MANBA: variants seen among roughly 807,000 people sequenced by gnomAD.
MANBA encodes the protein beta-mannosidase.
Under a neutral mutation model 111.1 loss-of-function variants are expected in MANBA, and 83 were observed. The observed-to-expected ratio is 0.75, with a 90% CI of 0.63 to 0.90. The LOEUF (loss-of-function observed/expected upper bound fraction) is 0.90, where lower values mean the gene tolerates loss of function less well. Among genes scored for constraint, MANBA ranks in the 40% least tolerant of loss-of-function variants. MANBA has a pLI of 0.00. For synonymous variants in MANBA, 370 were observed against 378.7 expected (o/e 0.98, Z 0.27); for missense variants, 1,036 against 1,069.0 (o/e 0.97, Z 0.43).
chr4:102,706,814 G>C (rs1169974081), intron 5 of MANBA, among the ~76,000 whole-genome samples: 1 of 152,090 alleles, frequency 6.6e-6, no homozygotes. Context: ...ACAATAATTA[G>C]AGAAAGCAGA....
At chr4:102,714,766 G>A (rs1243656434) in intron 4 of MANBA, among the ~76,000 whole-genome samples, 1 of 152,180 alleles carries the variant, frequency 6.6e-6, no homozygotes, top group African/African-American at 2.4e-5. Flanking sequence ...AGCAGGTTTG[G>A]TTCCTCCTGA....
chr4:102,724,020 T>C, intron 2 of MANBA, 53 bp from the exon 3 acceptor site: 2 of 952,696 alleles, frequency 2.1e-6, no homozygotes, highest in Non-Finnish European at 3.3e-6. Context: ...TTAACTTAGA[T>C]AAGTCTCTTT....
At chr4:102,729,549 T>C in intron 1 of MANBA, 2 of 869,924 alleles carry the variant, frequency 2.3e-6, no homozygotes, top group Non-Finnish European at 4.0e-6. Context: ...ACTCCAGCTC[T>C]ACCTTGTTCA....
In MANBA at chr4:102,679,265, G is replaced by A. The variant is rs142977310; in HGVS notation, c.961-5195C>T. ...GACATCGGCACAGTTATGCATCCTT[G>A]TAGCCAGATGTGTATCTAGTATATC... On this transcript the variant is annotated intron_variant, in intron 7 of 16. Transcript: ENST00000647097. Among the ~76,000 whole-genome samples the A allele has an allele frequency of 1.4e-4, 21 of 152,084 alleles. No homozygotes were observed. In the East Asian group the frequency reaches 3.3e-3, roughly 24 times the overall value.
At chr4:102,653,071 A>G (rs1730407129) in intron 12 of MANBA, among the ~76,000 whole-genome samples, 1 of 152,212 alleles carries the variant, frequency 6.6e-6, no homozygotes, top group Non-Finnish European at 1.5e-5. Flanking sequence ...GAACTGTCAT[A>G]CAAATCATAT....
At chr4:102,661,405 T>A (rs1265473672) in intron 11 of MANBA, among the ~76,000 whole-genome samples, 2 of 152,014 alleles carry the variant, frequency 1.3e-5, no homozygotes, top group Admixed American at 6.6e-5. Flanking sequence ...GATAAGAGTG[T>A]CCCCCACAGC....
chr4:102,685,930 GA>G (rs1732189406), intron 7 of MANBA, among the ~76,000 whole-genome samples: 2 of 152,056 alleles, frequency 1.3e-5, no homozygotes, highest in East Asian at 3.9e-4. Flanking sequence ...ATTGAAGACT[GA>G]AGACTGAAGA....
At chr4:102,709,412 A>G (rs1457740745) in intron 5 of MANBA, among the ~76,000 whole-genome samples, 1 of 134,284 alleles carries the variant, frequency 7.4e-6, no homozygotes, top group Non-Finnish European at 1.6e-5. Flanking sequence ...AAAAAGAAAG[A>G]AAGAAAGAGA....
intron 7 of MANBA, among the ~76,000 whole-genome samples, chr4:102,675,608 C>A (rs1161219152): frequency 6.6e-6 from 1 of 152,216 alleles, no homozygotes; most frequent in Non-Finnish European, 1.5e-5. Flanking sequence ...CTTTGTTTCA[C>A]AGCAATATTT....
rs143364702 is a variant in MANBA, at chr4:102,752,347, C to T, written c.177+8371G>A. ...TGGAAGCACAGATAGGCATACCAGA[C>T]TGTGGGATCCCCGAACTAAAGACCA... is the stretch of plus-strand genomic sequence containing the variant. On this transcript the variant is annotated intron_variant, in intron 1 of 16. Coordinates refer to ENST00000647097, the MANE Select transcript of MANBA (RefSeq NM_005908.4). 129 of 1,364,238 alleles carry T rather than the reference C, an allele frequency of 9.5e-5. No individual in the cohort carries two copies. In the East Asian group the frequency reaches 2.9e-3, roughly 31 times the overall value. 84.5% of individuals were successfully genotyped at this position (1,364,238 alleles called of 1,614,324 possible). A position where few individuals can be genotyped will look rare whatever the true frequency, so the allele number is the denominator to read the frequency against.
chr4:102,734,761 C>T, intron 1 of MANBA: 1 of 593,390 alleles, frequency 1.7e-6, no homozygotes, highest in Non-Finnish European at 3.0e-6. Context: ...TCTAGACAGT[C>T]ATGACAGTCC....
intron 13 of MANBA, among the ~76,000 whole-genome samples, chr4:102,642,240 G>A (rs1729908009): frequency 6.6e-6 from 1 of 152,106 alleles, no homozygotes; most frequent in Admixed American, 6.5e-5. Flanking sequence ...TTACACATAA[G>A]AGGGATAAAT....
chr4:102,635,731 G>A, intron 15 of MANBA, 134 bp downstream of exon 15: 1 of 872,714 alleles, frequency 1.1e-6, no homozygotes, highest in Non-Finnish European at 1.8e-6. Flanking sequence ...TTAATGGCAG[G>A]GTTGTAGCCT....
chr4:102,650,400 T>C, intron 13 of MANBA, 137 bp downstream of exon 13: 2 of 900,684 alleles, frequency 2.2e-6, no homozygotes, highest in Admixed American at 2.1e-5. Context: ...ATCATATATG[T>C]TCTTTGAAGA....
At chr4:102,756,797 T>TAAAAAA (rs35787338) in intron 1 of MANBA, among the ~76,000 whole-genome samples, 49 of 71,952 alleles carry the variant, frequency 6.8e-4, no homozygotes, top group African/African-American at 9.9e-4. Context: ...AGAGACTATC[T>TAAAAAA]AAAAAAAAAA....
Position 102,669,055 on chromosome 4 carries a change from A to C in MANBA, c.1231-6T>G. ...AACATAAAATCCTGCCATACCTAGC[A>C]AATCAAATAAAAGGGAATGCAACAC... On this transcript the variant is annotated splice_polypyrimidine_tract_variant and splice_region_variant and intron_variant, in intron 9 of 16. Transcript: ENST00000647097. 2.5e-6 allele frequency: 4 copies of C among 1,601,320 alleles called. No individual in the cohort carries two copies. The highest frequency in any genetic ancestry group is 3.4e-6 in the Non-Finnish European group (4 of 1,168,992).
At chr4:102,636,517 T>G (rs1729641433) in intron 14 of MANBA, among the ~76,000 whole-genome samples, 1 of 152,200 alleles carries the variant, frequency 6.6e-6, no homozygotes, top group South Asian at 2.1e-4. Context: ...ATATAATAAC[T>G]TATAGATTCT....
intron 2 of MANBA, among the ~76,000 whole-genome samples, chr4:102,725,262 T>C (rs1722749415): frequency 6.6e-6 from 1 of 152,182 alleles, no homozygotes; most frequent in Non-Finnish European, 1.5e-5. Context: ...TATATATCAA[T>C]AAAGTATTTT....
At chr4:102,702,155 C>T (rs1229559912) in intron 5 of MANBA, among the ~76,000 whole-genome samples, 1 of 151,846 alleles carries the variant, frequency 6.6e-6, no homozygotes, top group African/African-American at 2.4e-5. Flanking sequence ...ATCGCATCGG[C>T]TCCTGAGGCT....
Sources: allele counts gnomAD v4.1 joint callset (sites outside exome capture counted in the v4.1 genomes callset), GRCh38; gene constraint gnomAD v4.1.1; transcripts MANE v1.5; gene names NCBI Gene and HGNC (gene_info 2026-07-23, HGNC 2026-07-21).